PRKDC: variants seen among roughly 807,000 people sequenced by gnomAD.
PRKDC encodes DNA-dependent protein kinase catalytic subunit.
A neutral mutation model predicts 486.9 loss-of-function variants in PRKDC; 82 were observed. The ratio of observed to expected loss-of-function variants is 0.17; its 90% CI spans 0.14 to 0.20. The LOEUF is 0.20. PRKDC is among the 10% of genes least tolerant of loss of function. The probability of loss-of-function intolerance (pLI) is 1.00; values close to 1 mark genes in which losing one functional copy is unlikely to be tolerated. For missense variants in PRKDC, 4,504 were observed against 5,038.2 expected (o/e 0.89, Z 3.21); for synonymous variants, 1,895 against 1,837.0 (o/e 1.03, Z -0.81).
At chr8:47,904,225 T>C (rs547806428) in intron 26 of PRKDC, among the ~76,000 whole-genome samples, 6 of 152,306 alleles carry the variant, frequency 3.9e-5, no homozygotes, top group East Asian at 1.9e-4. Flanking sequence ...AATCTGAGTA[T>C]AGGAGAAAAT....
At chr8:47,818,372 G>A (rs936837360) in intron 67 of PRKDC, among the ~76,000 whole-genome samples, 1 of 152,012 alleles carries the variant, frequency 6.6e-6, no homozygotes, top group Non-Finnish European at 1.5e-5. Flanking sequence ...GAGGTCAGGA[G>A]ATCGAGACCA....
At chr8:47,821,869 G>GT in intron 64 of PRKDC, 77 bp from the exon 65 acceptor site, 3 of 1,243,916 alleles carry the variant, frequency 2.4e-6, no homozygotes, top group Non-Finnish European at 3.3e-6. Flanking sequence ...AAGGAGGAAT[G>GT]TAACAATCAC....
At chr8:47,893,105 C>T (rs8178089) in intron 31 of PRKDC, 34 bp downstream of exon 31, 27 of 1,526,168 alleles carry the variant, frequency 1.8e-5, no homozygotes, top group East Asian at 1.2e-4. Flanking sequence ...TCTGGCAGCA[C>T]GACACACACC....
At chr8:47,903,319 G>A (rs2089720357) in intron 26 of PRKDC, among the ~76,000 whole-genome samples, 1 of 152,174 alleles carries the variant, frequency 6.6e-6, no homozygotes, top group South Asian at 2.1e-4. Flanking sequence ...TTTGACCAAC[G>A]ACCACACAGA....
rs2154501800 is a variant in PRKDC, at chr8:47,889,150, T to C, written c.4144A>G (p.Ile1382Val). The change falls in exon 33 of 86, where the codon ATA becomes GTA. Residue 1382 changes from isoleucine to valine, a missense_variant. Ile to Val is a conservative substitution (Grantham distance 29). This residue lies in a region of PRKDC where 1,969 missense variants were observed against 2,068.9 expected (regional missense o/e 0.95). Transcript: ENST00000314191. Reference sequence around the variant, plus strand: ...TGGACGTCTCCGATGTTGAAACCTATGCTTGCGGGCTCACACAGCGTCTGC... The same window carrying C: ...TGGACGTCTCCGATGTTGAAACCTACGCTTGCGGGCTCACACAGCGTCTGC... ...LVQTLCEPAS[I>V]GFNIGDVQVM... is the part of the protein sequence containing the mutation. 5 of 1,613,974 alleles carry C rather than the reference T, an allele frequency of 3.1e-6. No individual in the cohort carries two copies. In the South Asian group the frequency reaches 4.4e-5, roughly 14 times the overall value.
intron 21 of PRKDC, among the ~76,000 whole-genome samples, chr8:47,921,098 C>G (rs2090062694): frequency 6.6e-6 from 1 of 151,766 alleles, no homozygotes; most frequent in African/African-American, 2.4e-5. Context: ...ACTAAAAATA[C>G]AAAAAAATTA....
chr8:47,878,835 TCAAAA>T, intron 39 of PRKDC, among the ~76,000 whole-genome samples: 1 of 152,166 alleles, frequency 6.6e-6, no homozygotes, highest in Non-Finnish European at 1.5e-5. Context: ...AGACTCTGTC[TCAAAA>T]CAAAAGAAAA....
intron 1 of PRKDC, among the ~76,000 whole-genome samples, chr8:47,958,253 G>T (rs2090743333): frequency 6.6e-6 from 1 of 152,112 alleles, no homozygotes; most frequent in Non-Finnish European, 1.5e-5. Context: ...CAAGGAAAGG[G>T]GACAGCTTCA....
Position 47,773,666 on chromosome 8 carries a change from A to G in PRKDC, c.*507T>C, listed in dbSNP as rs185781361. On this transcript the variant is annotated 3_prime_UTR_variant, in exon 86 of 86. Coordinates refer to ENST00000314191, the MANE Select transcript of PRKDC (RefSeq NM_006904.7). ...ATGCAGTCATTTCTAAATATAAGCCATAATTATAGCTTTACCTATTGTTCT... is the reference window on the plus strand; with the variant it reads ...ATGCAGTCATTTCTAAATATAAGCCGTAATTATAGCTTTACCTATTGTTCT... The G allele has an allele frequency of 8.8e-4, 195 of 222,758 alleles. No individual in the cohort carries two copies. The highest frequency in any genetic ancestry group is 5.5e-3 in the Middle Eastern group (4 of 722). The allele number at this position is 222,758 out of a possible 1,614,324, so 13.8% of individuals were successfully genotyped here.
At chr8:47,827,744 G>T (rs1015259478) in intron 62 of PRKDC, among the ~76,000 whole-genome samples, 1 of 152,192 alleles carries the variant, frequency 6.6e-6, no homozygotes, top group Non-Finnish European at 1.5e-5. Context: ...ATGTAAGGTC[G>T]GGAGGAAAGG....
intron 42 of PRKDC, among the ~76,000 whole-genome samples, chr8:47,862,749 C>T (rs184245104): frequency 6.6e-6 from 1 of 152,290 alleles, no homozygotes; most frequent in African/African-American, 2.4e-5. Context: ...GATCTTGCAA[C>T]ACAGTGGTCA....
chr8:47,864,475 T>A, intron 41 of PRKDC, 81 bp downstream of exon 41: 1 of 1,290,774 alleles, frequency 7.7e-7, no homozygotes, highest in Non-Finnish European at 1.1e-6. Flanking sequence ...AGAGGCCATG[T>A]GACTGAGCAC....
intron 25 of PRKDC, among the ~76,000 whole-genome samples, chr8:47,905,199 A>AT (rs527537273): frequency 9.3e-5 from 14 of 149,942 alleles, no homozygotes; most frequent in African/African-American, 2.9e-4. Context: ...TTAACTTAAA[A>AT]TTTTTTTTTT....
chr8:47,913,864 G>C, intron 24 of PRKDC, 37 bp downstream of exon 24: 1 of 1,538,132 alleles, frequency 6.5e-7, no homozygotes, highest in Non-Finnish European at 8.8e-7. Context: ...TAAAGCAATA[G>C]GATCTAAATA....
intron 25 of PRKDC, 116 bp downstream of exon 25, chr8:47,912,294 A>G (rs2089917377): frequency 1.7e-6 from 2 of 1,170,890 alleles, no homozygotes; most frequent in Non-Finnish European, 2.3e-6. Flanking sequence ...GGTAGCAGTC[A>G]GGGAGCAGTA....
In PRKDC at chr8:47,916,436, A is replaced by T. The variant is rs554723373; in HGVS notation, c.2527-1018T>A. ...ACGTAGCGAGACTCCATCTCAAAAT[A>T]AAAAAAAAAAAATCTTTAAGTAATG... is the stretch of plus-strand genomic sequence containing the variant. On this transcript the variant is annotated intron_variant, in intron 22 of 85. Coordinates refer to ENST00000314191, the MANE Select transcript of PRKDC (RefSeq NM_006904.7). Among the ~76,000 whole-genome samples the T allele has an allele frequency of 3.4e-5, 5 of 145,984 alleles. 1 individual carries two copies. The highest frequency in any genetic ancestry group is 1.2e-4 in the African/African-American group (5 of 40,288).
At chr8:47,858,443 GATTC>G (rs1351774542) in intron 48 of PRKDC, 69 bp downstream of exon 48, 36 of 1,279,890 alleles carry the variant, frequency 2.8e-5, no homozygotes, top group Non-Finnish European at 3.7e-5. Context: ...AATTGCAATT[GATTC>G]ATTCATAGAA....
At chr8:47,894,856 G>C (rs1343903198) in intron 30 of PRKDC, among the ~76,000 whole-genome samples, 3 of 152,122 alleles carry the variant, frequency 2.0e-5, no homozygotes, top group Non-Finnish European at 4.4e-5. Context: ...GACTGCTTGG[G>C]GTCAGGACTC....
At chr8:47,835,649 A>T (rs1281938925) in intron 58 of PRKDC, among the ~76,000 whole-genome samples, 1 of 147,880 alleles carries the variant, frequency 6.8e-6, no homozygotes, top group Non-Finnish European at 1.5e-5. Flanking sequence ...AAAAAAAAAA[A>T]GGAAAATATA....
Sources: allele counts gnomAD v4.1 joint callset (sites outside exome capture counted in the v4.1 genomes callset), GRCh38; gene constraint gnomAD v4.1.1; regional missense constraint gnomAD v4.1.1; transcripts MANE v1.5; gene names NCBI Gene and HGNC (gene_info 2026-07-23, HGNC 2026-07-21).